PITPNM3: variants seen among roughly 807,000 people sequenced by gnomAD.
PITPNM3 encodes membrane-associated phosphatidylinositol transfer protein 3.
Under a neutral mutation model 102.0 loss-of-function variants are expected in PITPNM3, and 26 were observed. That is an observed-to-expected ratio of 0.25 (90% CI 0.19 to 0.35). PITPNM3 has a LOEUF of 0.35. Ranked by LOEUF, PITPNM3 falls within the 10% of genes least tolerant of loss-of-function variation. The pLI is 1.00. For missense variants in PITPNM3, 1,083 were observed against 1,346.1 expected, an observed-to-expected ratio of 0.80 and a Z score of 3.06; for synonymous variants, 578 against 558.6, an observed-to-expected ratio of 1.03 and a Z score of -0.49.
At chr17:6,471,509 A>G (rs1409665279) in intron 11 of PITPNM3, among the ~76,000 whole-genome samples, 154 bp from the exon 12 acceptor site, 1 of 152,002 alleles carries the variant, frequency 6.6e-6, no homozygotes, top group Non-Finnish European at 1.5e-5. Flanking sequence ...TGCCCCTCTC[A>G]CTGTGCCCAC....
chr17:6,540,879 G>A (rs1228483563), intron 1 of PITPNM3, among the ~76,000 whole-genome samples: 2 of 152,084 alleles, frequency 1.3e-5, no homozygotes, highest in African/African-American at 2.4e-5. Context: ...GGCTAGTCTC[G>A]AACTCCTGAC....
chr17:6,555,980 G>A (rs1411638075), intron 1 of PITPNM3, among the ~76,000 whole-genome samples: 1 of 152,182 alleles, frequency 6.6e-6, no homozygotes, highest in Non-Finnish European at 1.5e-5. Flanking sequence ...GAGAGCTGCA[G>A]GAGCAGGGGG....
At chr17:6,516,304 C>A (rs1396265583) in intron 3 of PITPNM3, among the ~76,000 whole-genome samples, 2 of 152,164 alleles carry the variant, frequency 1.3e-5, no homozygotes, top group Non-Finnish European at 2.9e-5. Context: ...TGGCTCATGC[C>A]TGTAATCCCA....
intron 1 of PITPNM3, among the ~76,000 whole-genome samples, chr17:6,543,090 G>C (rs933326535): frequency 1.3e-5 from 2 of 152,150 alleles, no homozygotes; most frequent in African/African-American, 2.4e-5. Context: ...TCTTCTTCTA[G>C]CAATTTAGAG....
At chr17:6,500,757 C>A (rs1907119528) in intron 4 of PITPNM3, among the ~76,000 whole-genome samples, 1 of 151,954 alleles carries the variant, frequency 6.6e-6, no homozygotes, top group Non-Finnish European at 1.5e-5. Flanking sequence ...CTCACTGCAA[C>A]CTCTGCCTCC....
intron 14 of PITPNM3, 76 bp from the exon 15 acceptor site, chr17:6,464,847 A>G: frequency 7.2e-7 from 1 of 1,387,200 alleles, no homozygotes; most frequent in Non-Finnish European, 1.0e-6. Context: ...AGTGTTCCTC[A>G]GACTGGCTGG....
chr17:6,510,845 A>G (rs1907826520), intron 3 of PITPNM3, among the ~76,000 whole-genome samples: 1 of 152,180 alleles, frequency 6.6e-6, no homozygotes, highest in Non-Finnish European at 1.5e-5. Flanking sequence ...AGCGCATGGG[A>G]TTGTGGGAGC....
intron 1 of PITPNM3, among the ~76,000 whole-genome samples, chr17:6,553,037 T>C (rs1297111392): frequency 6.6e-6 from 1 of 151,124 alleles, no homozygotes; most frequent in African/African-American, 2.4e-5. Flanking sequence ...CCCAAAGTGC[T>C]GGGATTACAG....
intron 1 of PITPNM3, among the ~76,000 whole-genome samples, chr17:6,540,921 A>T (rs1473606501): frequency 1.3e-5 from 2 of 152,158 alleles, no homozygotes; most frequent in Non-Finnish European, 2.9e-5. Flanking sequence ...AGCTTCCCAA[A>T]GTGCTGGGAT....
chr17:6,484,160 T>C, intron 5 of PITPNM3, 56 bp downstream of exon 5: 2 of 1,516,070 alleles, frequency 1.3e-6, no homozygotes, highest in Non-Finnish European at 9.1e-7. Context: ...CCGAGGGCTC[T>C]TGCTAAAATC....
intron 1 of PITPNM3, among the ~76,000 whole-genome samples, chr17:6,549,509 GC>G (rs1376264245): frequency 2.0e-5 from 3 of 152,168 alleles, no homozygotes; most frequent in African/African-American, 7.2e-5. Context: ...GGAGGCTTCT[GC>G]CCCCTGTCTA....
chr17:6,471,468 G>A, intron 11 of PITPNM3, 113 bp from the exon 12 acceptor site: 1 of 1,072,844 alleles, frequency 9.3e-7, no homozygotes, highest in Non-Finnish European at 1.3e-6. Flanking sequence ...GTCAGCCCCG[G>A]CTCTGCTCAC....
At chr17:6,544,625 G>GTCTC (rs67144965) in intron 1 of PITPNM3, among the ~76,000 whole-genome samples, 83 of 137,282 alleles carry the variant, frequency 6.0e-4, no homozygotes, top group Middle Eastern at 3.8e-3. Context: ...TTTGAATGGT[G>GTCTC]TCTCTCTCTC....
At chr17:6,508,776 G>A (rs376910390) in intron 3 of PITPNM3, among the ~76,000 whole-genome samples, 11 of 152,178 alleles carry the variant, frequency 7.2e-5, no homozygotes, top group Admixed American at 7.2e-4. Context: ...TAAGCCTGCT[G>A]TTTGATGAGG....
At chr17:6,534,796 T>G (rs1909326583) in intron 2 of PITPNM3, among the ~76,000 whole-genome samples, 4 of 150,938 alleles carry the variant, frequency 2.7e-5, no homozygotes, top group African/African-American at 4.9e-5. Flanking sequence ...TGGGCAGGGG[T>G]GGGGGATCAC....
Position 6,478,672 on chromosome 17 carries a change from C to G in PITPNM3, c.652G>C (p.Ala218Pro). The G allele has an allele frequency of 6.2e-7, 1 of 1,612,088 alleles. No individual in the cohort carries two copies. Among genetic ancestry groups the G allele is most frequent in the Non-Finnish European group, 8.5e-7 (1 of 1,179,130 alleles). Residue 218 changes from alanine (A) to proline (P), a missense_variant, in exon 7 of 20, where the codon GCC (alanine) becomes CCC (proline). Ala to Pro is a conservative substitution (Grantham distance 27). Coordinates refer to ENST00000262483, the MANE Select transcript of PITPNM3 (RefSeq NM_031220.4). This position sits in a 1 kb window ranked among gnomAD's most constrained non-coding sequence, Gnocchi z 4.4. ...GAGGAGATGGCCAACAGGGGAAGGG[C>G]GGCCAGAGGGACGTGGTCCTGGCTG... is the stretch of plus-strand genomic sequence containing the variant. ...SSSQDHVPLAALPLLAISSPQ... is the reference protein window; with the variant it reads ...SSSQDHVPLAPLPLLAISSPQ...
At chr17:6,505,218 A>ATATATATATATATATAT (rs1555556418) in intron 3 of PITPNM3, among the ~76,000 whole-genome samples, 2 of 145,912 alleles carry the variant, frequency 1.4e-5, no homozygotes, top group Non-Finnish European at 3.0e-5. Flanking sequence ...ATATATATGT[A>ATATATATATATATATAT]AAGCCTTCAG....
At chr17:6,489,080 T>G (rs940058663) in intron 4 of PITPNM3, among the ~76,000 whole-genome samples, 1 of 152,158 alleles carries the variant, frequency 6.6e-6, no homozygotes, top group Non-Finnish European at 1.5e-5. Context: ...AATCACAGCC[T>G]TGGAGAGGTA....
chr17:6,505,585 A>G (rs913152348), intron 3 of PITPNM3, among the ~76,000 whole-genome samples: 2 of 152,248 alleles, frequency 1.3e-5, no homozygotes, highest in Admixed American at 6.5e-5. Flanking sequence ...CCCAGTATCC[A>G]ATACACAGGT....
Sources: gnomAD v4.1 joint callset for allele counts (sites outside exome capture counted in the v4.1 genomes callset) on GRCh38, gnomAD v4.1.1 for gene constraint, Gnocchi (gnomAD v3.1) non-coding constraint, MANE v1.5 for transcripts, NCBI Gene and HGNC (gene_info 2026-07-23, HGNC 2026-07-21) for gene names.